Variants in PARD3B observed in about 807,000 individuals in gnomAD.
PARD3B encodes partitioning defective 3 homolog B.
Under a neutral mutation model 130.2 loss-of-function variants are expected in PARD3B, and 103 were observed. The ratio of observed to expected loss-of-function variants is 0.79; its 90% CI spans 0.67 to 0.93. The LOEUF (loss-of-function observed/expected upper bound fraction) is 0.93. Among genes scored for constraint, PARD3B ranks in the 40% least tolerant of loss-of-function variants. The pLI is 0.00. For synonymous variants in PARD3B, 583 were observed against 553.2 expected (o/e 1.05, Z -0.76); for missense variants, 1,609 against 1,499.2 (o/e 1.07, Z -1.21).
At chr2:205,534,618 G>A (rs759158109) in intron 21 of PARD3B, among the ~76,000 whole-genome samples, 5 of 152,062 alleles carry the variant, frequency 3.3e-5, no homozygotes, top group Non-Finnish European at 5.9e-5. Flanking sequence ...ACAGGTGCCC[G>A]CAACCACACC....
intron 14 of PARD3B, among the ~76,000 whole-genome samples, chr2:205,189,183 C>A (rs1460156194): frequency 6.6e-6 from 1 of 152,148 alleles, no homozygotes; most frequent in Non-Finnish European, 1.5e-5. Flanking sequence ...CATGCACATA[C>A]CTGAAACTAC....
At chr2:204,990,991 C>A (rs1339902728) in intron 3 of PARD3B, among the ~76,000 whole-genome samples, 5 of 152,020 alleles carry the variant, frequency 3.3e-5, no homozygotes, top group Non-Finnish European at 7.4e-5. Context: ...GAACACACAG[C>A]TATTATAATT....
chr2:204,794,748 A>G (rs2042312310), intron 2 of PARD3B, among the ~76,000 whole-genome samples: 2 of 152,232 alleles, frequency 1.3e-5, no homozygotes, highest in African/African-American at 2.4e-5. Flanking sequence ...CTCACAAAAT[A>G]CATGAAAGTT....
chr2:204,704,204 A>C (rs1466669920), intron 2 of PARD3B, among the ~76,000 whole-genome samples: 1 of 152,176 alleles, frequency 6.6e-6, no homozygotes, highest in Non-Finnish European at 1.5e-5. Context: ...ACTTTTCATC[A>C]TAACAGTATT....
intron 21 of PARD3B, among the ~76,000 whole-genome samples, chr2:205,505,693 C>T (rs984495784): frequency 6.6e-6 from 1 of 152,094 alleles, no homozygotes; most frequent in African/African-American, 2.4e-5. Context: ...TTAAGATAGT[C>T]CTCTGACAAC....
At chr2:205,386,742 A>G (rs73062568) in intron 18 of PARD3B, among the ~76,000 whole-genome samples, 7,454 of 152,006 alleles carry the variant, frequency 0.049, 566 homozygotes, top group African/African-American at 0.16. Context: ...GCAGGAGGGA[A>G]AGAACTTTGT....
chr2:204,839,419 A>G (rs2044181497), intron 2 of PARD3B, among the ~76,000 whole-genome samples: 1 of 152,224 alleles, frequency 6.6e-6, no homozygotes, highest in Non-Finnish European at 1.5e-5. Context: ...TATGTAAACC[A>G]AACAGACTTT....
chr2:205,311,693 T>C (rs1487043387), intron 18 of PARD3B, among the ~76,000 whole-genome samples: 2 of 152,222 alleles, frequency 1.3e-5, no homozygotes, highest in African/African-American at 4.8e-5. Flanking sequence ...AGAAATGACA[T>C]AGCTAAAATC....
At chr2:204,591,099 T>G (rs974931640) in intron 1 of PARD3B, among the ~76,000 whole-genome samples, 1 of 152,376 alleles carries the variant, frequency 6.6e-6, no homozygotes, top group East Asian at 1.9e-4. Context: ...TTGCAATTAC[T>G]GTGTATTAAT....
chr2:204,661,052 G>C (rs1049499310), intron 1 of PARD3B, among the ~76,000 whole-genome samples: 1 of 152,152 alleles, frequency 6.6e-6, no homozygotes, highest in Non-Finnish European at 1.5e-5. Flanking sequence ...TACAAGTCAG[G>C]CCTCCTTTTA....
rs1317077674 is a variant in PARD3B, at chr2:205,253,099, T to A, written c.2185+7277T>A. 6.6e-6 allele frequency among the ~76,000 whole-genome samples: 1 copy of A among 152,144 alleles called. No homozygotes were observed. Among genetic ancestry groups the A allele is most frequent in the Non-Finnish European group, 1.5e-5 (1 of 68,008 alleles). ...AATAAAACCAACAGTAAACATTTAT[T>A]TCTTGATCACATATCTCCAGGTATA... On this transcript the variant is annotated intron_variant, in intron 16 of 22. Transcript: ENST00000406610. The surrounding 1 kb of genome is among the most constrained non-coding windows in gnomAD (Gnocchi z 4.4).
intron 3 of PARD3B, among the ~76,000 whole-genome samples, chr2:205,034,616 A>G (rs1697668905): frequency 6.6e-6 from 1 of 152,128 alleles, no homozygotes; most frequent in Admixed American, 6.6e-5. Flanking sequence ...ACAGATCCAC[A>G]TTTTGCAATG....
chr2:205,430,032 G>C (rs529350423), intron 19 of PARD3B, among the ~76,000 whole-genome samples: 1 of 152,264 alleles, frequency 6.6e-6, no homozygotes, highest in South Asian at 2.1e-4. Flanking sequence ...ATCAGATGTA[G>C]AGCCTATATG....
At chr2:204,649,955 A>G (rs749126860) in intron 1 of PARD3B, among the ~76,000 whole-genome samples, 4 of 152,220 alleles carry the variant, frequency 2.6e-5, no homozygotes, top group African/African-American at 4.8e-5. Flanking sequence ...AGCAAAAGAA[A>G]CTATCAACAG....
At chr2:204,741,050 T>C (rs1479633758) in intron 2 of PARD3B, among the ~76,000 whole-genome samples, 1 of 152,198 alleles carries the variant, frequency 6.6e-6, no homozygotes, top group Non-Finnish European at 1.5e-5. Flanking sequence ...TTATTTCATT[T>C]CAAAATAATT....
In PARD3B at chr2:205,274,108, A is replaced by C. The variant is rs2040847685; in HGVS notation, c.2186-26422A>C. Reference sequence around the variant, plus strand: ...ATCTGGACAAATATAGTTTTTTTAAAAAAAGTCTATTTTATTTTCCCTCAT... The same window carrying C: ...ATCTGGACAAATATAGTTTTTTTAACAAAAGTCTATTTTATTTTCCCTCAT... On this transcript the variant is annotated intron_variant, in intron 16 of 22. Coordinates refer to ENST00000406610, the MANE Select transcript of PARD3B (RefSeq NM_001302769.2). This position sits in a 1 kb window ranked among gnomAD's most constrained non-coding sequence, Gnocchi z 4.2. 6.6e-6 allele frequency among the ~76,000 whole-genome samples: 1 copy of C among 152,162 alleles called. No individual in the cohort carries two copies. Among genetic ancestry groups the C allele is most frequent in the African/African-American group, 2.4e-5 (1 of 41,434 alleles).
intron 20 of PARD3B, among the ~76,000 whole-genome samples, chr2:205,487,376 T>C (rs2049484798): frequency 6.6e-6 from 1 of 152,184 alleles, no homozygotes. Context: ...AACTGCTGTA[T>C]TAATCTACTG....
Position 205,276,024 on chromosome 2 carries a change from A to T in PARD3B, c.2186-24506A>T, listed in dbSNP as rs936048131. Reference sequence around the variant, plus strand: ...ACACAGTAATCTCAGGTGTGTTCATATTATCATTATTTAGTCTGAGAAATC... The same window carrying T: ...ACACAGTAATCTCAGGTGTGTTCATTTTATCATTATTTAGTCTGAGAAATC... On this transcript the variant is annotated intron_variant, in intron 16 of 22. Coordinates refer to ENST00000406610, the MANE Select transcript of PARD3B (RefSeq NM_001302769.2). The surrounding 1 kb of genome is among the most constrained non-coding windows in gnomAD (Gnocchi z 5.0). Among the ~76,000 whole-genome samples the T allele has an allele frequency of 1.3e-5, 2 of 152,132 alleles. No individual in the cohort carries two copies. Among genetic ancestry groups the T allele is most frequent in the Non-Finnish European group, 2.9e-5 (2 of 68,036 alleles).
At chr2:204,862,111 G>C (rs562616009) in intron 2 of PARD3B, among the ~76,000 whole-genome samples, 12 of 152,224 alleles carry the variant, frequency 7.9e-5, no homozygotes, top group Admixed American at 3.3e-4. Flanking sequence ...GGAAAATTAT[G>C]TTTCAAATCT....
Sources: allele counts gnomAD v4.1 joint callset (sites outside exome capture counted in the v4.1 genomes callset), GRCh38; gene constraint gnomAD v4.1.1; non-coding constraint Gnocchi (gnomAD v3.1); transcripts MANE v1.5; gene names NCBI Gene and HGNC (gene_info 2026-07-23, HGNC 2026-07-21).